The following MEIS2 variants were observed in gnomAD, a reference collection of about 807,000 sequenced individuals.
The protein encoded by MEIS2 is Meis homeobox 2.
Under a neutral mutation model 58.6 loss-of-function variants are expected in MEIS2, and 9 were observed. The ratio of observed to expected loss-of-function variants is 0.15; its 90% CI spans 0.09 to 0.27. MEIS2 has a LOEUF of 0.27. Ranked by LOEUF, MEIS2 falls within the 10% of genes least tolerant of loss-of-function variation. The probability of loss-of-function intolerance (pLI) is 1.00; values close to 1 mark genes in which losing one functional copy is unlikely to be tolerated. For missense variants in MEIS2, 427 were observed against 635.0 expected (o/e 0.67, Z 3.52); for synonymous variants, 221 against 228.4 (o/e 0.97, Z 0.29).
intron 8 of MEIS2, among the ~76,000 whole-genome samples, chr15:37,018,522 C>A (rs2061423531): frequency 6.6e-6 from 1 of 152,062 alleles, no homozygotes; most frequent in South Asian, 2.1e-4. Context: ...TCTATACATG[C>A]AAAACAAATT....
At chr15:37,046,170 C>T (rs1334253487) in intron 7 of MEIS2, among the ~76,000 whole-genome samples, 1 of 152,220 alleles carries the variant, frequency 6.6e-6, no homozygotes, top group Non-Finnish European at 1.5e-5. Context: ...ACCGAAAGCA[C>T]TTCCATTCTC....
intron 8 of MEIS2, among the ~76,000 whole-genome samples, chr15:37,020,216 A>C (rs1213392628): frequency 6.6e-6 from 1 of 152,088 alleles, no homozygotes; most frequent in Non-Finnish European, 1.5e-5. Flanking sequence ...TGTATTAATC[A>C]CAGGTCCTGA....
intron 8 of MEIS2, among the ~76,000 whole-genome samples, chr15:36,964,438 T>C (rs2059290875): frequency 6.6e-6 from 1 of 152,180 alleles, no homozygotes; most frequent in South Asian, 2.1e-4. Flanking sequence ...TACCGGTAAT[T>C]CTCAAATTAG....
At position 36,890,054 on chromosome 15, in the gene MEIS2, T is replaced by C. The variant is rs1277695339; in HGVS notation, c.*2119A>G. On this transcript the variant is annotated 3_prime_UTR_variant, in exon 12 of 12. Transcript: ENST00000561208. ...TTATATAGAACCTCCATAAATGCTG[T>C]CTGAAATGGAAAGATGGAAGAGCCC... 3 of 152,180 alleles carry C rather than the reference T, an allele frequency of 2.0e-5. No homozygotes were observed. Among genetic ancestry groups the C allele is most frequent in the Admixed American group, 6.5e-5 (1 of 15,282 alleles). 9.4% of individuals were successfully genotyped at this position (152,180 alleles called of 1,614,324 possible). A position where few individuals can be genotyped will look rare whatever the true frequency, so the allele number is the denominator to read the frequency against.
chr15:37,014,118 A>AT (rs1366357387), intron 8 of MEIS2, among the ~76,000 whole-genome samples: 2 of 152,184 alleles, frequency 1.3e-5, no homozygotes, highest in Non-Finnish European at 2.9e-5. Context: ...CTTTGGGTCC[A>AT]TTTTGTCACA....
At chr15:37,057,016 A>G (rs1292684360) in intron 7 of MEIS2, among the ~76,000 whole-genome samples, 1 of 152,210 alleles carries the variant, frequency 6.6e-6, no homozygotes, top group Non-Finnish European at 1.5e-5. Flanking sequence ...AGTTGTACTA[A>G]TGACAAATAG....
At chr15:36,951,869 C>T (rs2058759520) in intron 8 of MEIS2, among the ~76,000 whole-genome samples, 1 of 152,088 alleles carries the variant, frequency 6.6e-6, no homozygotes, top group Non-Finnish European at 1.5e-5. Flanking sequence ...TTCGAGTCTA[C>T]CCACATTAGT....
chr15:37,076,023 C>T (rs1205637208), intron 7 of MEIS2, among the ~76,000 whole-genome samples: 3 of 151,940 alleles, frequency 2.0e-5, no homozygotes, highest in East Asian at 1.9e-4. Context: ...CCCGTTGTTG[C>T]TTTTTTGCTG....
intron 7 of MEIS2, among the ~76,000 whole-genome samples, chr15:37,068,511 A>T (rs1567252361): frequency 6.6e-6 from 1 of 152,242 alleles, no homozygotes; most frequent in Non-Finnish European, 1.5e-5. Flanking sequence ...GCAACAATTT[A>T]TTCAACCAAT....
At chr15:36,985,990 G>A (rs1306452767) in intron 8 of MEIS2, among the ~76,000 whole-genome samples, 1 of 152,070 alleles carries the variant, frequency 6.6e-6, no homozygotes, top group East Asian at 1.9e-4. Context: ...AGATTCTATT[G>A]GTATTAGTTT....
chr15:37,048,758 T>G (rs28651714), intron 7 of MEIS2, among the ~76,000 whole-genome samples: 35,296 of 151,982 alleles, frequency 0.23, 5,022 homozygotes, highest in East Asian at 0.43. Context: ...GATAACTAGT[T>G]AGAGATATGT....
chr15:36,906,448 G>A (rs1424756317), intron 9 of MEIS2, among the ~76,000 whole-genome samples: 1 of 152,022 alleles, frequency 6.6e-6, no homozygotes, highest in Non-Finnish European at 1.5e-5. Flanking sequence ...AGATGAAAAA[G>A]GAGAGATACA....
At chr15:36,897,903 G>A (rs2056265149) in intron 9 of MEIS2, 1 of 152,254 alleles carries the variant, frequency 6.6e-6, no homozygotes, top group African/African-American at 2.4e-5. Flanking sequence ...TTCAGTGTGT[G>A]CTGGCAGCTC....
intron 9 of MEIS2, among the ~76,000 whole-genome samples, chr15:36,933,337 A>G (rs1034237801): frequency 4.6e-5 from 7 of 152,216 alleles, no homozygotes; most frequent in African/African-American, 1.7e-4. Context: ...CAAAGACTGG[A>G]TATGTGTATA....
intron 6 of MEIS2, among the ~76,000 whole-genome samples, chr15:37,086,633 T>A (rs1400334671): frequency 6.6e-6 from 1 of 152,170 alleles, no homozygotes; most frequent in East Asian, 1.9e-4. Flanking sequence ...TTATTTCCCA[T>A]AGAGTGTCTC....
intron 8 of MEIS2, among the ~76,000 whole-genome samples, chr15:36,995,974 T>G (rs1328950095): frequency 9.7e-5 from 1 of 10,352 alleles, no homozygotes; most frequent in African/African-American, 1.5e-4. Flanking sequence ...TATATATATA[T>G]ATATATATAT....
chr15:37,095,464 G>A (rs1049356261), intron 4 of MEIS2, 100 bp downstream of exon 4: 2 of 1,563,660 alleles, frequency 1.3e-6, no homozygotes, highest in Non-Finnish European at 1.8e-6. Flanking sequence ...CTCCAAAAGA[G>A]GGTTCTGTTC....
intron 9 of MEIS2, among the ~76,000 whole-genome samples, chr15:36,940,101 C>A (rs752133516): frequency 3.0e-4 from 45 of 152,248 alleles, no homozygotes; most frequent in Non-Finnish European, 5.1e-4. Context: ...TGAGATGGAA[C>A]CAAAGTATGG....
chr15:37,098,379 GGAGA>G (rs534692479), intron 1 of MEIS2, 180 bp from the exon 2 acceptor site: 30,438 of 304,740 alleles, frequency 0.1, 468 homozygotes, highest in Middle Eastern at 0.12. Flanking sequence ...GAGGAGAGGG[GGAGA>G]GAGAGAGAGA....
Sources: allele counts gnomAD v4.1 joint callset (sites outside exome capture counted in the v4.1 genomes callset), GRCh38; gene constraint gnomAD v4.1.1; transcripts MANE v1.5; gene names NCBI Gene and HGNC (gene_info 2026-07-23, HGNC 2026-07-21).